Variants in PACRG observed in about 807,000 individuals in gnomAD.
The protein encoded by PACRG is parkin coregulated, also known as parkin coregulated gene protein.
In PACRG, 29 loss-of-function variants were observed where a neutral mutation model predicts 29.7. The observed-to-expected ratio is 0.98, with a 90% CI of 0.73 to 1.33. PACRG has a LOEUF of 1.33. PACRG is among the 40% of genes most tolerant of loss of function. PACRG has a pLI of 0.00. For synonymous variants in PACRG, 116 were observed against 118.7 expected (o/e 0.98, Z 0.15); for missense variants, 279 against 316.2 (o/e 0.88, Z 0.89).
chr6:163,096,975 A>C (rs1245543635), intron 4 of PACRG, among the ~76,000 whole-genome samples: 3 of 152,168 alleles, frequency 2.0e-5, no homozygotes, highest in Non-Finnish European at 2.9e-5. Context: ...CTAATTGCAA[A>C]TATTCCAACC....
In PACRG at chr6:163,177,710, ATTTTTT is replaced by A. The variant is rs398003265; in HGVS notation, c.613+88324_613+88329del. Among the ~76,000 whole-genome samples the A allele has an allele frequency of 3.3e-3, 176 of 53,748 alleles. 2 individuals carry two copies. Among genetic ancestry groups the A allele is most frequent in the Non-Finnish European group, 3.6e-3 (113 of 31,746 alleles). The allele number at this position is 53,748 out of a possible 152,430, so 35.3% of individuals were successfully genotyped here. ...TGTTAGCTAAGAAATTAGAAAAGGG[ATTTTTT>A]TTTTTTTTTTTTTTTTTTTTTGCGG... On this transcript the variant is annotated intron_variant, in intron 4 of 4. Coordinates refer to ENST00000366888, the MANE Select transcript of PACRG (RefSeq NM_001080379.2).
chr6:163,086,319 G>A (rs144698124), intron 3 of PACRG, among the ~76,000 whole-genome samples: 10 of 152,156 alleles, frequency 6.6e-5, no homozygotes, highest in African/African-American at 2.4e-4. Flanking sequence ...ACCTTCTCAT[G>A]GTGATCTGAA....
At chr6:163,176,772 G>A (rs570512130) in intron 4 of PACRG, among the ~76,000 whole-genome samples, 24 of 152,286 alleles carry the variant, frequency 1.6e-4, no homozygotes, top group Admixed American at 1.0e-3. Flanking sequence ...ATATATTCTA[G>A]GCTAAGGAAA....
chr6:163,129,868 A>T (rs1284708108), intron 4 of PACRG, among the ~76,000 whole-genome samples: 2 of 152,226 alleles, frequency 1.3e-5, no homozygotes, highest in Non-Finnish European at 2.9e-5. Flanking sequence ...AGAATGCTTA[A>T]AACAGTGCTT....
At chr6:162,970,783 A>G (rs1801460743) in intron 2 of PACRG, among the ~76,000 whole-genome samples, 1 of 152,104 alleles carries the variant, frequency 6.6e-6, no homozygotes, top group Non-Finnish European at 1.5e-5. Flanking sequence ...TCTCATCACA[A>G]TTCAGATCCC....
chr6:163,014,133 C>T (rs920129305), intron 2 of PACRG, among the ~76,000 whole-genome samples: 1 of 152,078 alleles, frequency 6.6e-6, no homozygotes, highest in Non-Finnish European at 1.5e-5. Flanking sequence ...TGCGTGAATT[C>T]GCTTAAGATA....
At chr6:162,755,274 T>G (rs1031195416) in intron 1 of PACRG, among the ~76,000 whole-genome samples, 2 of 152,210 alleles carry the variant, frequency 1.3e-5, no homozygotes, top group South Asian at 4.1e-4. Context: ...ATCTTTTAGT[T>G]TCTAATTTGT....
At chr6:163,054,585 C>T (rs946711957) in intron 2 of PACRG, among the ~76,000 whole-genome samples, 3 of 152,142 alleles carry the variant, frequency 2.0e-5, no homozygotes, top group Non-Finnish European at 4.4e-5. Flanking sequence ...TTTTTTGTCC[C>T]ATGGCCACGA....
intron 2 of PACRG, among the ~76,000 whole-genome samples, chr6:162,878,487 G>T (rs915427123): frequency 8.5e-5 from 13 of 152,104 alleles, no homozygotes; most frequent in Admixed American, 6.6e-5. Flanking sequence ...TGAATAGACT[G>T]AATCTTTTTC....
At chr6:162,814,474 A>G in intron 2 of PACRG, 193 bp downstream of exon 2, 2 of 585,932 alleles carry the variant, frequency 3.4e-6, no homozygotes, top group Non-Finnish European at 5.5e-6. Context: ...TATAGCCTGC[A>G]AAGAAGAAAA....
chr6:163,080,673 C>T (rs1421051384), intron 3 of PACRG, among the ~76,000 whole-genome samples: 2 of 152,114 alleles, frequency 1.3e-5, no homozygotes, highest in Admixed American at 6.5e-5. Flanking sequence ...AATGGCCAAA[C>T]ACTTTCAACA....
chr6:162,770,804 G>T (rs189786882), intron 1 of PACRG, among the ~76,000 whole-genome samples: 56 of 152,232 alleles, frequency 3.7e-4, no homozygotes, highest in Admixed American at 7.2e-4. Context: ...ACAACTTGGT[G>T]CCCTAGTAAT....
intron 4 of PACRG, among the ~76,000 whole-genome samples, chr6:163,247,917 T>C (rs1782753333): frequency 6.6e-6 from 1 of 152,176 alleles, no homozygotes; most frequent in Non-Finnish European, 1.5e-5. Flanking sequence ...AAAACCAGGG[T>C]CCTTTGAAAG....
At position 162,818,113 on chromosome 6, in the gene PACRG, C is replaced by CA. The variant is rs903126897; in HGVS notation, c.291+3840dup. ...TAAAAAAGCATAAGGAATACTTAAA[C>CA]AAAAAAAATGTTAATCTGTTTCTTT... On this transcript the variant is annotated intron_variant, in intron 2 of 4. Transcript: ENST00000366888. Among the ~76,000 whole-genome samples, 297 of 151,638 alleles carry CA rather than the reference C, an allele frequency of 2.0e-3. 2 individuals are homozygous for CA. Among genetic ancestry groups the CA allele is most frequent in the African/African-American group, 6.7e-3 (277 of 41,396 alleles).
In PACRG at chr6:162,957,741, G is replaced by A. The variant is rs115688016; in HGVS notation, c.292-104409G>A. Among the ~76,000 whole-genome samples the A allele has an allele frequency of 8.4e-3, 1,282 of 151,990 alleles. 25 individuals carry two copies. The highest frequency in any genetic ancestry group is 0.029 in the African/African-American group (1,216 of 41,428). On this transcript the variant is annotated intron_variant, in intron 2 of 4. Transcript: ENST00000366888. ...ATGGTTTTCCTTTTAAAATTAAGAA[G>A]CCCAGAACTCGAATTTAATCTGAGT...
chr6:162,767,612 AC>A (rs1029283807), intron 1 of PACRG, among the ~76,000 whole-genome samples: 1 of 151,742 alleles, frequency 6.6e-6, no homozygotes, highest in African/African-American at 2.4e-5. Flanking sequence ...ATACATTCTG[AC>A]AATTTGGGGA....
intron 2 of PACRG, among the ~76,000 whole-genome samples, chr6:163,000,305 CT>C (rs749772237): frequency 6.6e-6 from 1 of 152,138 alleles, no homozygotes; most frequent in Non-Finnish European, 1.5e-5. Flanking sequence ...GGGTCAAAAA[CT>C]TCTTGCTGCA....
intron 1 of PACRG, among the ~76,000 whole-genome samples, chr6:162,784,338 T>TGG (rs1240302253): frequency 1.3e-5 from 2 of 152,184 alleles, no homozygotes; most frequent in Non-Finnish European, 2.9e-5. Flanking sequence ...CCCCAGCCCA[T>TGG]GGTCATCTTA....
chr6:162,859,638 C>A (rs1213778195), intron 2 of PACRG, among the ~76,000 whole-genome samples: 1 of 152,138 alleles, frequency 6.6e-6, no homozygotes, highest in East Asian at 1.9e-4. Context: ...ACTTTCTGAC[C>A]TTCTCCTTTC....
Sources: gnomAD v4.1 joint callset for allele counts (sites outside exome capture counted in the v4.1 genomes callset) on GRCh38, gnomAD v4.1.1 for gene constraint, MANE v1.5 for transcripts, NCBI Gene and HGNC (gene_info 2026-07-23, HGNC 2026-07-21) for gene names.